DLGAP2: variants seen among roughly 807,000 people sequenced by gnomAD.
DLGAP2 encodes DLG associated protein 2.
DLGAP2 carries 26 observed loss-of-function variants against 100.3 expected under a neutral mutation model. The observed-to-expected ratio is 0.26, with a 90% CI of 0.19 to 0.36. The LOEUF (loss-of-function observed/expected upper bound fraction) is 0.36, where lower values mean the gene tolerates loss of function less well. Ranked by LOEUF, DLGAP2 falls within the 10% of genes least tolerant of loss-of-function variation. The probability of loss-of-function intolerance (pLI) is 1.00; values close to 1 mark genes in which losing one functional copy is unlikely to be tolerated. For missense variants in DLGAP2, 1,858 were observed against 1,453.2 expected (o/e 1.28, Z -4.53); for synonymous variants, 886 against 630.1 (o/e 1.41, Z -6.08).
rs368715971 is a variant in DLGAP2, at chr8:1,549,440, C to A, written c.987C>A (p.Asp329Glu). Residue 329 changes from aspartate (D) to glutamate (E), a missense_variant, in exon 5 of 15, where the codon GAC becomes GAA. Asp to Glu is a conservative substitution (Grantham distance 45). Transcript: ENST00000637795. ...HLGPVAHCYPDALQSPFGDLS... is the reference protein window; with the variant it reads ...HLGPVAHCYPEALQSPFGDLS... ...GCCCCGTGGCCCACTGCTACCCCGA[C>A]GCGCTGCAGAGCCCCTTCGGGGACC... is the stretch of plus-strand genomic sequence containing the variant. The A allele has an allele frequency of 1.2e-6, 2 of 1,613,494 alleles. No individual in the cohort carries two copies. The highest frequency in any genetic ancestry group is 1.1e-5 in the South Asian group (1 of 91,068).
chr8:1,202,387 G>A lies in DLGAP2; in HGVS notation c.74-56464G>A, dbSNP rs528270199. ...GCACCTGTTGTGCTGTGCAGTGGAC[G>A]TCCATGCTGTTGTGGGGCGTGTGTG... On this transcript the variant is annotated intron_variant, in intron 2 of 14. Coordinates refer to ENST00000637795, the MANE Select transcript of DLGAP2 (RefSeq NM_001346810.2). 5.9e-5 allele frequency among the ~76,000 whole-genome samples: 9 copies of A among 152,164 alleles called. No homozygotes were observed. In the South Asian group the frequency reaches 6.2e-4, roughly 11 times the overall value.
At position 1,682,131 on chromosome 8, in the gene DLGAP2, A is replaced by T. The variant is rs578112443; in HGVS notation, c.2704+3502A>T. On this transcript the variant is annotated intron_variant, in intron 12 of 14. Coordinates refer to ENST00000637795, the MANE Select transcript of DLGAP2 (RefSeq NM_001346810.2). ...GCTGTTTCAGACAAGGGTGTGTCCC[A>T]TCCCTGACCCTTCACCTCATTCTGG... Among the ~76,000 whole-genome samples the T allele has an allele frequency of 1.2e-3, 188 of 152,292 alleles. 2 individuals are homozygous for T. The highest frequency in any genetic ancestry group is 9.5e-3 in the South Asian group (46 of 4,820).
intron 8 of DLGAP2, among the ~76,000 whole-genome samples, chr8:1,652,604 C>T (rs537063793): frequency 2.4e-4 from 36 of 152,154 alleles, no homozygotes; most frequent in Middle Eastern, 3.2e-3. Flanking sequence ...AGGTCAACGA[C>T]ACCTAGGAAG....
At chr8:1,178,375 G>C (rs1169998834) in intron 2 of DLGAP2, among the ~76,000 whole-genome samples, 1 of 152,188 alleles carries the variant, frequency 6.6e-6, no homozygotes, top group Non-Finnish European at 1.5e-5. Flanking sequence ...GGCGGTGGCA[G>C]TGGTTGAGGG....
chr8:1,118,310 G>A (rs563021945), intron 2 of DLGAP2, among the ~76,000 whole-genome samples: 11 of 152,292 alleles, frequency 7.2e-5, no homozygotes, highest in South Asian at 4.2e-4. Context: ...TCTTGACCCC[G>A]TAGTGTGTGA....
intron 2 of DLGAP2, among the ~76,000 whole-genome samples, chr8:1,057,472 T>G (rs933722371): frequency 1.3e-5 from 2 of 152,280 alleles, no homozygotes; most frequent in African/African-American, 4.8e-5. Context: ...TTGATAATTC[T>G]TTCCTTCTAT....
intron 2 of DLGAP2, among the ~76,000 whole-genome samples, chr8:1,208,900 AT>A (rs1798049663): frequency 1.3e-5 from 2 of 150,912 alleles, no homozygotes; most frequent in Admixed American, 6.7e-5. Context: ...AAATAAATAA[AT>A]AAATAAATAA....
intron 3 of DLGAP2, among the ~76,000 whole-genome samples, chr8:1,450,418 C>G (rs1393087301): frequency 1.6e-4 from 22 of 134,092 alleles, no homozygotes; most frequent in African/African-American, 6.0e-4. Context: ...TGAGGCTGAG[C>G]TGTGAGGGTG....
In DLGAP2 at chr8:1,222,093, C is replaced by T. The variant is rs539909667; in HGVS notation, c.74-36758C>T. Among the ~76,000 whole-genome samples the T allele has an allele frequency of 5.3e-5, 8 of 152,266 alleles. No homozygotes were observed. In the East Asian group the frequency reaches 1.4e-3, roughly 26 times the overall value. On this transcript the variant is annotated intron_variant, in intron 2 of 14. Coordinates refer to ENST00000637795, the MANE Select transcript of DLGAP2 (RefSeq NM_001346810.2). ...TCCATGTCTGTTGTTTCAGCCATTT[C>T]AATCTGGTGAAGAAACATTGCCGGG...
intron 1 of DLGAP2, among the ~76,000 whole-genome samples, chr8:906,888 A>T (rs982756718): frequency 1.3e-5 from 2 of 152,142 alleles, no homozygotes; most frequent in Admixed American, 1.3e-4. Flanking sequence ...AAAATTGGTG[A>T]TACTGTCTTG....
chr8:1,084,808 G>C (rs1803921727), intron 2 of DLGAP2, among the ~76,000 whole-genome samples: 1 of 152,174 alleles, frequency 6.6e-6, no homozygotes, highest in African/African-American at 2.4e-5. Flanking sequence ...TCCATGTCTT[G>C]GACATTGTGA....
chr8:1,349,072 C>T (rs7830930), intron 3 of DLGAP2, among the ~76,000 whole-genome samples: 56,121 of 151,190 alleles, frequency 0.37, 10,865 homozygotes, highest in East Asian at 0.5. Flanking sequence ...CCTGCCAAGT[C>T]ACCTCAGCAG....
intron 3 of DLGAP2, among the ~76,000 whole-genome samples, chr8:1,319,805 A>G (rs1800853806): frequency 6.6e-6 from 1 of 152,150 alleles, no homozygotes; most frequent in Non-Finnish European, 1.5e-5. Context: ...ACCGGAAGGA[A>G]ACGTAGATCA....
chr8:737,856 G>T, intron 1 of DLGAP2, 31 bp downstream of exon 1: 1 of 376,020 alleles, frequency 2.7e-6, no homozygotes. Context: ...CCGGGAGCCG[G>T]GCGCGGGGCT....
chr8:1,521,076 T>C (rs1301811318), intron 4 of DLGAP2, among the ~76,000 whole-genome samples: 1 of 152,220 alleles, frequency 6.6e-6, no homozygotes, highest in Non-Finnish European at 1.5e-5. Context: ...CTTGTTGTTG[T>C]TTTAATTTGG....
chr8:1,277,659 G>A (rs1262927138), intron 3 of DLGAP2, among the ~76,000 whole-genome samples: 2 of 152,168 alleles, frequency 1.3e-5, no homozygotes, highest in Non-Finnish European at 2.9e-5. Context: ...GTATCCAAGT[G>A]TTATCCGAAA....
At chr8:1,347,731 G>A (rs930478794) in intron 3 of DLGAP2, among the ~76,000 whole-genome samples, 4 of 151,432 alleles carry the variant, frequency 2.6e-5, no homozygotes, top group African/African-American at 9.7e-5. Context: ...ACTCATGGTA[G>A]CTGTGTGAAG....
chr8:1,581,515 G>C lies in DLGAP2; in HGVS notation c.1442+15621G>C, dbSNP rs557120688. ...CAAACTACCAGAAGTGAAGGATACAGACAAAACTCCACACACATCTACACA... is the reference window on the plus strand; with the variant it reads ...CAAACTACCAGAAGTGAAGGATACACACAAAACTCCACACACATCTACACA... On this transcript the variant is annotated intron_variant, in intron 6 of 14. Coordinates refer to ENST00000637795, the MANE Select transcript of DLGAP2 (RefSeq NM_001346810.2). Among the ~76,000 whole-genome samples, 4 of 143,848 alleles carry C rather than the reference G, an allele frequency of 2.8e-5. No homozygotes were observed. The South Asian group carries it at 8.8e-4, about 32-fold the overall frequency. 94.4% of individuals were successfully genotyped at this position (143,848 alleles called of 152,430 possible). A position where few individuals can be genotyped will look rare whatever the true frequency, so the allele number is the denominator to read the frequency against.
intron 2 of DLGAP2, among the ~76,000 whole-genome samples, chr8:1,200,330 C>G (rs1316056386): frequency 6.6e-6 from 1 of 152,188 alleles, no homozygotes; most frequent in Non-Finnish European, 1.5e-5. Flanking sequence ...TGAGCTCAGT[C>G]CCGTGGCCCC....
Sources: gnomAD v4.1 joint callset for allele counts (sites outside exome capture counted in the v4.1 genomes callset) on GRCh38, gnomAD v4.1.1 for gene constraint, MANE v1.5 for transcripts, NCBI Gene and HGNC (gene_info 2026-07-23, HGNC 2026-07-21) for gene names.